SDK1: variants seen among roughly 807,000 people sequenced by gnomAD.
SDK1 encodes the protein sidekick cell adhesion molecule 1.
Under a neutral mutation model 245.5 loss-of-function variants are expected in SDK1, and 157 were observed. The observed-to-expected ratio is 0.64, with a 90% CI of 0.56 to 0.73. The LOEUF is 0.73. Among genes scored for constraint, SDK1 ranks in the 30% least tolerant of loss-of-function variants. The pLI, the probability that SDK1 is intolerant of heterozygous loss-of-function variation, is 0.00. For synonymous variants in SDK1, 1,647 were observed against 1,278.5 expected, an observed-to-expected ratio of 1.29 and a Z score of -6.15; for missense variants, 3,583 against 3,002.3, an observed-to-expected ratio of 1.19 and a Z score of -4.52.
At chr7:3,978,520 T>G (rs1312034307) in intron 13 of SDK1, among the ~76,000 whole-genome samples, 14 of 152,228 alleles carry the variant, frequency 9.2e-5, no homozygotes, top group Admixed American at 9.2e-4. Context: ...AGACAGTTGT[T>G]CCTCGTGAAT....
At chr7:4,121,496 C>G (rs1205162922) in intron 25 of SDK1, among the ~76,000 whole-genome samples, 1 of 152,186 alleles carries the variant, frequency 6.6e-6, no homozygotes, top group East Asian at 1.9e-4. Context: ...TGAGGAAGTT[C>G]CTTGCTTCCC....
chr7:3,545,652 C>A (rs1488742347), intron 1 of SDK1, among the ~76,000 whole-genome samples: 1 of 152,150 alleles, frequency 6.6e-6, no homozygotes, highest in Non-Finnish European at 1.5e-5. Context: ...GCTATGGTGC[C>A]CATGTGCCTG....
intron 1 of SDK1, among the ~76,000 whole-genome samples, chr7:3,355,271 T>C (rs370518072): frequency 2.6e-5 from 4 of 152,238 alleles, no homozygotes; most frequent in African/African-American, 4.8e-5. Context: ...TTTTAAAATG[T>C]AGCTATCCAC....
At chr7:3,905,650 C>T (rs972903361) in intron 5 of SDK1, among the ~76,000 whole-genome samples, 8 of 151,644 alleles carry the variant, frequency 5.3e-5, no homozygotes, top group African/African-American at 1.7e-4. Flanking sequence ...TTTAGAGGAA[C>T]GTTCTTGCTC....
In SDK1 at chr7:3,634,215, A is replaced by C. The variant is rs531908714; in HGVS notation, c.459-4789A>C. The stretch of plus-strand genomic sequence containing the variant: ...AGCTCATAGGGTGGCAGATTCTCCA[A>C]ATACAGGGAAGTGGTTCAGATCCTA... On this transcript the variant is annotated intron_variant, in intron 2 of 44. Transcript: ENST00000404826. 3.9e-5 allele frequency among the ~76,000 whole-genome samples: 6 copies of C among 152,226 alleles called. No individual in the cohort carries two copies. In the South Asian group the frequency reaches 1.2e-3, roughly 32 times the overall value.
intron 4 of SDK1, among the ~76,000 whole-genome samples, chr7:3,801,161 T>G (rs1350827771): frequency 6.6e-6 from 1 of 152,218 alleles, no homozygotes; most frequent in East Asian, 1.9e-4. Context: ...CATCACTATT[T>G]CATTTATGAG....
intron 2 of SDK1, among the ~76,000 whole-genome samples, chr7:3,634,323 C>G (rs1174128580): frequency 6.6e-6 from 1 of 152,188 alleles, no homozygotes. Flanking sequence ...TAAAGAAATT[C>G]TAGGGTTGGT....
At chr7:4,066,789 T>C (rs1779931965) in intron 19 of SDK1, among the ~76,000 whole-genome samples, 2 of 152,230 alleles carry the variant, frequency 1.3e-5, no homozygotes, top group Admixed American at 1.3e-4. Context: ...AGCGACTTGC[T>C]GTGGGCCCTG....
chr7:3,835,789 A>G (rs943465845), intron 5 of SDK1, among the ~76,000 whole-genome samples: 7 of 145,548 alleles, frequency 4.8e-5, no homozygotes, highest in African/African-American at 1.5e-4. Context: ...GGTGGAATCA[A>G]AAGACAAACA....
At chr7:3,527,420 C>T (rs977364028) in intron 1 of SDK1, among the ~76,000 whole-genome samples, 1 of 152,106 alleles carries the variant, frequency 6.6e-6, no homozygotes, top group Non-Finnish European at 1.5e-5. Context: ...GACTTTCAAG[C>T]AGAGACCTGA....
intron 5 of SDK1, among the ~76,000 whole-genome samples, chr7:3,919,316 G>A (rs571346343): frequency 1.2e-4 from 19 of 152,204 alleles, no homozygotes; most frequent in Non-Finnish European, 2.2e-4. Context: ...CTTGCAGCCC[G>A]TGTGGGTGTC....
chr7:3,591,983 T>C lies in SDK1; in HGVS notation c.299-27097T>C, dbSNP rs373223916. Reference sequence around the variant, plus strand: ...CCCGGATACAGATGACAAACAAGGCTACAGATAGTTCTATACAGAAACAAA... The same window carrying C: ...CCCGGATACAGATGACAAACAAGGCCACAGATAGTTCTATACAGAAACAAA... On this transcript the variant is annotated intron_variant, in intron 1 of 44. Coordinates refer to ENST00000404826, the MANE Select transcript of SDK1 (RefSeq NM_152744.4). 8.5e-5 allele frequency among the ~76,000 whole-genome samples: 13 copies of C among 152,338 alleles called. 1 individual carries two copies. The East Asian group carries it at 1.5e-3, about 18-fold the overall frequency.
chr7:3,306,874 C>G (rs1779429948), intron 1 of SDK1, among the ~76,000 whole-genome samples: 1 of 152,088 alleles, frequency 6.6e-6, no homozygotes, highest in South Asian at 2.1e-4. Context: ...CTGACTGAAA[C>G]TAGAGAATGG....
chr7:3,563,221 A>T (rs114923585), intron 1 of SDK1, among the ~76,000 whole-genome samples: 23 of 152,296 alleles, frequency 1.5e-4, no homozygotes, highest in African/African-American at 4.8e-4. Context: ...ATAAAACAAA[A>T]ATAAAATACA....
At chr7:3,835,416 C>G (rs146638245) in intron 5 of SDK1, among the ~76,000 whole-genome samples, 25 of 152,280 alleles carry the variant, frequency 1.6e-4, no homozygotes, top group East Asian at 5.8e-4. Context: ...CCCTGTTGAA[C>G]CTAATATCAG....
intron 5 of SDK1, among the ~76,000 whole-genome samples, chr7:3,943,094 C>T (rs929905725): frequency 2.6e-5 from 4 of 152,172 alleles, no homozygotes; most frequent in Admixed American, 2.6e-4. Flanking sequence ...AATCCAGACA[C>T]GGAAGACAGT....
At chr7:4,218,635 C>T (rs919548233) in intron 38 of SDK1, among the ~76,000 whole-genome samples, 1 of 152,104 alleles carries the variant, frequency 6.6e-6, no homozygotes. Flanking sequence ...TGACTAGCAG[C>T]GCACGACCCT....
intron 1 of SDK1, among the ~76,000 whole-genome samples, chr7:3,421,711 A>G (rs17133309): frequency 0.17 from 25,353 of 152,118 alleles, 3,478 homozygotes; most frequent in African/African-American, 0.38. Flanking sequence ...ATGGGATCAC[A>G]TTCTTTGGGC....
At chr7:3,464,708 A>ATATATATATG (rs1406371764) in intron 1 of SDK1, among the ~76,000 whole-genome samples, 1 of 151,414 alleles carries the variant, frequency 6.6e-6, no homozygotes, top group African/African-American at 2.4e-5. Context: ...GTATATATAT[A>ATATATATATG]TATATATACA....
Sources: allele counts gnomAD v4.1 joint callset (sites outside exome capture counted in the v4.1 genomes callset), GRCh38; gene constraint gnomAD v4.1.1; transcripts MANE v1.5; gene names NCBI Gene and HGNC (gene_info 2026-07-23, HGNC 2026-07-21).